DSG4: variants seen among roughly 807,000 people sequenced by gnomAD.
The protein encoded by DSG4 is desmoglein-4.
DSG4 carries 87 observed loss-of-function variants against 93.1 expected under a neutral mutation model. The ratio of observed to expected loss-of-function variants is 0.93; its 90% CI spans 0.79 to 1.12. The LOEUF (loss-of-function observed/expected upper bound fraction) is 1.12, where lower values mean the gene tolerates loss of function less well. Ranked by LOEUF, DSG4 falls within the 50% of genes most tolerant of loss-of-function variation. DSG4 has a pLI of 0.00. For missense variants in DSG4, 1,373 were observed against 1,285.7 expected (o/e 1.07, Z -1.04); for synonymous variants, 432 against 452.9 (o/e 0.95, Z 0.59).
At chr18:31,392,115 T>C in intron 7 of DSG4, 40 bp from the exon 8 acceptor site, 1 of 1,599,192 alleles carries the variant, frequency 6.3e-7, no homozygotes, top group Non-Finnish European at 8.6e-7. Flanking sequence ...TTTCTTCTTT[T>C]GAAAATTCAT....
In DSG4 at chr18:31,388,519, C is replaced by G; in HGVS notation, c.369C>G (p.Phe123Leu). 1.2e-6 allele frequency: 2 copies of G among 1,613,276 alleles called. No homozygotes were observed. Among genetic ancestry groups the G allele is most frequent in the Non-Finnish European group, 1.7e-6 (2 of 1,179,468 alleles). Residue 123 changes from phenylalanine (F) to leucine (L), a missense_variant, in exon 4 of 16, where the codon TTC (phenylalanine) becomes TTG (leucine). Physicochemically the swap from Phe to Leu is conservative, Grantham distance 22 (BLOSUM62 0). Transcript: ENST00000308128. ...TAGACAGAGAAATAACTCCACTTTT[C>G]TTGGTAAGTCATAGCCATATGTTTT... ...SVVDREITPL[F>L]LIYCRALNSR... is the part of the protein sequence containing the mutation.
chr18:31,386,699 T>G lies in DSG4; in HGVS notation c.96T>G (p.Phe32Leu), dbSNP rs751508921. ...NSEFIVEVKE[F>L]DIENGTTKWQ... The stretch of plus-strand genomic sequence containing the variant: ...CATTTTTGCTTAAGGTGAAGGAATT[T>G]GACATTGAAAATGGCACTACAAAAT... The change falls in exon 3 of 16, where the codon TTT becomes TTG. Residue 32 changes from phenylalanine to leucine, a missense_variant. By Grantham distance (22) the Phe-to-Leu change is conservative (BLOSUM62 0). Coordinates refer to ENST00000308128, the MANE Select transcript of DSG4 (RefSeq NM_177986.5). The G allele has an allele frequency of 7.4e-6, 12 of 1,613,238 alleles. No homozygotes were observed. The highest frequency in any genetic ancestry group is 5.9e-6 in the Non-Finnish European group (7 of 1,179,326).
chr18:31,399,130 G>A, intron 8 of DSG4, 142 bp from the exon 9 acceptor site: 1 of 1,014,874 alleles, frequency 9.9e-7, no homozygotes, highest in Non-Finnish European at 1.5e-6. Flanking sequence ...GCAGTAATAA[G>A]TAAAATTTTT....
At position 31,399,533 on chromosome 18, in the gene DSG4, A is replaced by G. The variant is rs1288223841; in HGVS notation, c.1267A>G (p.Thr423Ala). The G allele has an allele frequency of 6.2e-7, 1 of 1,614,000 alleles. No individual in the cohort carries two copies. Among genetic ancestry groups the G allele is most frequent in the South Asian group, 1.1e-5 (1 of 91,090 alleles). The change falls in exon 9 of 16, where the codon ACA becomes GCA. Residue 423 changes from threonine (T) to alanine (A), a missense_variant. Physicochemically the swap from Thr to Ala is moderately conservative, Grantham distance 58. Coordinates refer to ENST00000308128, the MANE Select transcript of DSG4 (RefSeq NM_177986.5). ...AIDLDTGNPA[T>A]DVRYIIGHDA... ...AGATTTGGACACAGGAAACCCTGCA[A>G]CAGATGTCAGGTACTGCAACTATTT...
At chr18:31,383,898 GT>G (rs2072161233) in intron 1 of DSG4, among the ~76,000 whole-genome samples, 3 of 152,018 alleles carry the variant, frequency 2.0e-5, no homozygotes, top group Admixed American at 6.6e-5. Flanking sequence ...TCAATTATTT[GT>G]TTTCAACAAA....
intron 1 of DSG4, among the ~76,000 whole-genome samples, chr18:31,381,393 A>G (rs2144159146): frequency 6.6e-6 from 1 of 152,110 alleles, no homozygotes; most frequent in Non-Finnish European, 1.5e-5. Flanking sequence ...AAAAAAAAAA[A>G]TGTTCATGGG....
At chr18:31,400,193 C>T (rs946716432) in intron 9 of DSG4, among the ~76,000 whole-genome samples, 1 of 152,126 alleles carries the variant, frequency 6.6e-6, no homozygotes, top group Non-Finnish European at 1.5e-5. Context: ...TTCCAATATT[C>T]TTAGAGTAAA....
chr18:31,377,119 G>A (rs545199573), intron 1 of DSG4, among the ~76,000 whole-genome samples, 160 bp downstream of exon 1: 4 of 152,206 alleles, frequency 2.6e-5, no homozygotes, highest in Admixed American at 1.3e-4. Context: ...AACTCTCTCC[G>A]CCTTGAGGAA....
intron 14 of DSG4, 80 bp from the exon 15 acceptor site, chr18:31,411,151 A>C (rs1276380306): frequency 6.2e-7 from 1 of 1,613,814 alleles, no homozygotes; most frequent in Non-Finnish European, 8.5e-7. Context: ...GTGGCACCGC[A>C]GACGGCGGCG....
At chr18:31,403,385 A>G in intron 10 of DSG4, 31 bp from the exon 11 acceptor site, 1 of 1,566,214 alleles carries the variant, frequency 6.4e-7, no homozygotes, top group Non-Finnish European at 8.8e-7. Context: ...AACACCATTT[A>G]CCTCAACACC....
rs1334864351 is a variant in DSG4 at position 31,406,265 on chromosome 18, A to G, written c.1825A>G (p.Thr609Ala). 2 of 1,614,214 alleles carry G rather than the reference A, an allele frequency of 1.2e-6. No homozygotes were observed. The highest frequency in any genetic ancestry group is 1.7e-6 in the Non-Finnish European group (2 of 1,180,042). The change falls in exon 12 of 16, where the codon ACT (threonine) becomes GCT (alanine). Residue 609 changes from threonine (T) to alanine (A), a missense_variant. Coordinates refer to ENST00000308128, the MANE Select transcript of DSG4 (RefSeq NM_177986.5). ...GAAGIYTEDITGDTYGPVTED... is the reference protein window; with the variant it reads ...GAAGIYTEDIAGDTYGPVTED... The stretch of plus-strand genomic sequence containing the variant: ...CGCGGGCATCTACACAGAGGACATA[A>G]CTGGTGACACGTATGGGCCTGTCAC...
At chr18:31,392,027 G>C (rs1246986991) in intron 7 of DSG4, 128 bp from the exon 8 acceptor site, 4 of 796,332 alleles carry the variant, frequency 5.0e-6, no homozygotes, top group East Asian at 2.7e-5. Context: ...TGGACTATGG[G>C]CATTTAATAA....
At chr18:31,381,337 C>G (rs2072132226) in intron 1 of DSG4, among the ~76,000 whole-genome samples, 1 of 151,778 alleles carries the variant, frequency 6.6e-6, no homozygotes, top group South Asian at 2.1e-4. Flanking sequence ...TTAACAAAAC[C>G]ATTTGAAGAG....
chr18:31,391,163 T>C lies in DSG4; in HGVS notation c.770T>C (p.Ile257Thr). 4 of 1,613,754 alleles carry C rather than the reference T, an allele frequency of 2.5e-6. No individual in the cohort carries two copies. The highest frequency in any genetic ancestry group is 3.4e-6 in the Non-Finnish European group (4 of 1,179,752). ...CTGTCTTCTGAGTGTGACTGTAGAA[T>C]CAAGGTTTTAGACGTCAACGATAAT... is the stretch of plus-strand genomic sequence containing the variant. ...DGLSSECDCR[I>T]KVLDVNDNFP... Residue 257 changes from isoleucine (I) to threonine (T), a missense_variant, in exon 7 of 16, where the codon ATC becomes ACC. Coordinates refer to ENST00000308128, the MANE Select transcript of DSG4 (RefSeq NM_177986.5).
At chr18:31,380,864 G>T (rs1413339170) in intron 1 of DSG4, among the ~76,000 whole-genome samples, 3 of 152,054 alleles carry the variant, frequency 2.0e-5, no homozygotes, top group African/African-American at 4.8e-5. Flanking sequence ...TTCCAGTATT[G>T]CAAGAAGCAT....
chr18:31,388,764 C>T, intron 4 of DSG4, 110 bp from the exon 5 acceptor site: 1 of 1,524,592 alleles, frequency 6.6e-7, no homozygotes, highest in South Asian at 1.1e-5. Context: ...GTACTACAGT[C>T]TGAATTCACT....
intron 8 of DSG4, among the ~76,000 whole-genome samples, chr18:31,396,328 A>G (rs2072304607): frequency 1.4e-5 from 2 of 146,276 alleles, no homozygotes; most frequent in Non-Finnish European, 3.0e-5. Context: ...AATCCTCACA[A>G]CTCTCGGAAG....
chr18:31,411,399 A>G lies in DSG4; in HGVS notation c.2306A>G (p.Tyr769Cys). The change falls in exon 15 of 16, where the codon TAC becomes TGC. Residue 769 changes from tyrosine (Y) to cysteine (C), a missense_variant. Tyr to Cys is a radical substitution (Grantham distance 194). Coordinates refer to ENST00000308128, the MANE Select transcript of DSG4 (RefSeq NM_177986.5). ...RSSTMGTLRD[Y>C]ADADINMAFL... ...TCTACCATGGGAACCCTGCGGGACT[A>G]CGCTGACGCAGACATCAACATGGCT... is the stretch of plus-strand genomic sequence containing the variant. 1.2e-6 allele frequency: 2 copies of G among 1,611,136 alleles called. No individual in the cohort carries two copies. The highest frequency in any genetic ancestry group is 1.7e-6 in the Non-Finnish European group (2 of 1,179,890).
In DSG4 at chr18:31,390,688, G is replaced by T. The variant is rs761837965; in HGVS notation, c.550G>T (p.Ala184Ser). Residue 184 changes from alanine to serine, a missense_variant, in exon 6 of 16, where the codon GCA becomes TCA. Transcript: ENST00000308128. ...TLVVKLCATD[A>S]DEENHLNSKI... The stretch of plus-strand genomic sequence containing the variant: ...GGTAGTAAAGTTATGTGCCACAGAT[G>T]CAGATGAAGAAAATCATCTGAATTC... The T allele has an allele frequency of 6.2e-7, 1 of 1,613,632 alleles. No individual in the cohort carries two copies. Among genetic ancestry groups the T allele is most frequent in the Admixed American group, 1.7e-5 (1 of 59,982 alleles).
Sources: gnomAD v4.1 joint callset for allele counts (sites outside exome capture counted in the v4.1 genomes callset) on GRCh38, gnomAD v4.1.1 for gene constraint, MANE v1.5 for transcripts, NCBI Gene and HGNC (gene_info 2026-07-23, HGNC 2026-07-21) for gene names.